CX3CR1: variants seen among roughly 807,000 people sequenced by gnomAD.
The protein encoded by CX3CR1 is CX3C chemokine receptor 1.
For synonymous variants in CX3CR1, 168 were observed against 178.5 expected, an observed-to-expected ratio of 0.94 and a Z score of 0.47; for missense variants, 363 against 432.4, an observed-to-expected ratio of 0.84 and a Z score of 1.42.
At chr3:39,278,538 A>G (rs2040862795) in intron 1 of CX3CR1, among the ~76,000 whole-genome samples, 1 of 150,976 alleles carries the variant, frequency 6.6e-6, no homozygotes, top group Non-Finnish European at 1.5e-5. Flanking sequence ...GCCCTGAGCA[A>G]TGCAAGCTTT....
upstream of CX3CR1, chr3:39,280,485 C>T: frequency 1.0e-6 from 1 of 982,694 alleles, no homozygotes; most frequent in Non-Finnish European, 1.2e-6. Flanking sequence ...ACCTCAAGCC[C>T]TGCCCTATAT....
At chr3:39,269,949 C>T (rs1162879703) in intron 1 of CX3CR1, among the ~76,000 whole-genome samples, 1 of 152,240 alleles carries the variant, frequency 6.6e-6, no homozygotes, top group African/African-American at 2.4e-5. Context: ...CATTGAGGGA[C>T]ATTTTTGATC....
chr3:39,264,579 A>C lies in CX3CR1; in HGVS notation c.*863T>G, dbSNP rs2040667922. The C allele has an allele frequency of 1.3e-5, 2 of 152,200 alleles. No individual in the cohort carries two copies. Among genetic ancestry groups the C allele is most frequent in the African/African-American group, 4.8e-5 (2 of 41,398 alleles). The allele number at this position is 152,200 out of a possible 1,614,324, so 9.4% of individuals were successfully genotyped here. A position where few individuals can be genotyped will look rare whatever the true frequency, so the allele number is the denominator to read the frequency against. On this transcript the variant is annotated 3_prime_UTR_variant, in exon 2 of 2. Coordinates refer to ENST00000399220, the MANE Select transcript of CX3CR1 (RefSeq NM_001337.4). Reference sequence around the variant, plus strand: ...CTTTGGGAAGGAGGAGGCAATGGGGAATCTATTGGTAGGACCCCATGGTGG... The same window carrying C: ...CTTTGGGAAGGAGGAGGCAATGGGGCATCTATTGGTAGGACCCCATGGTGG...
chr3:39,267,738 C>A (rs779668192), intron 1 of CX3CR1, among the ~76,000 whole-genome samples: 12 of 152,190 alleles, frequency 7.9e-5, no homozygotes, highest in Non-Finnish European at 1.5e-4. Context: ...TGACTAATTC[C>A]CCCTACGATT....
At chr3:39,268,776 TG>T in intron 1 of CX3CR1, among the ~76,000 whole-genome samples, 1 of 152,356 alleles carries the variant, frequency 6.6e-6, no homozygotes, top group Non-Finnish European at 1.5e-5. Context: ...TAACATTCCT[TG>T]TCTGTAAGAT....
chr3:39,290,706 G>C, the CX3CR1 span, among the ~76,000 whole-genome samples: 1 of 152,136 alleles, frequency 6.6e-6, no homozygotes, highest in Non-Finnish European at 1.5e-5. Context: ...CAGATGACGA[G>C]GTCAGGAGTT....
the CX3CR1 span, among the ~76,000 whole-genome samples, chr3:39,291,388 T>C: frequency 1.3e-5 from 2 of 152,208 alleles, no homozygotes; most frequent in African/African-American, 4.8e-5. Context: ...TCTGCCTTTT[T>C]TCACGTGCAA....
At chr3:39,272,983 C>T (rs1400229421) in intron 1 of CX3CR1, among the ~76,000 whole-genome samples, 1 of 152,212 alleles carries the variant, frequency 6.6e-6, no homozygotes, top group Admixed American at 6.5e-5. Context: ...ATAAATTAAC[C>T]AGCAGAGGCC....
chr3:39,284,479 G>A (rs1281928641), upstream of CX3CR1, among the ~76,000 whole-genome samples: 2 of 152,110 alleles, frequency 1.3e-5, no homozygotes, highest in African/African-American at 2.4e-5. Flanking sequence ...CCTTGTCTAA[G>A]GTCTTAATCA....
Position 39,264,719 on chromosome 3 carries a change from CAG to C in CX3CR1, c.*721_*722del, listed in dbSNP as rs2040670238. On this transcript the variant is annotated 3_prime_UTR_variant, in exon 2 of 2. Coordinates refer to ENST00000399220, the MANE Select transcript of CX3CR1 (RefSeq NM_001337.4). ...TTAATGAAGACGAGGCTGGTGTAAT[CAG>C]GGGAGAGGCTGGATCAGGCACATGG... is the stretch of plus-strand genomic sequence containing the variant. The C allele has an allele frequency of 6.6e-6, 1 of 152,432 alleles. No individual in the cohort carries two copies. 9.4% of individuals were successfully genotyped at this position (152,432 alleles called of 1,614,324 possible). A position where few individuals can be genotyped will look rare whatever the true frequency, so the allele number is the denominator to read the frequency against.
At chr3:39,276,874 T>C (rs1461907090) in intron 1 of CX3CR1, among the ~76,000 whole-genome samples, 1 of 152,174 alleles carries the variant, frequency 6.6e-6, no homozygotes, top group African/African-American at 2.4e-5. Context: ...GTGATCACCA[T>C]AGAAGTCAGA....
chr3:39,281,691 CT>C, upstream of CX3CR1: 1 of 1,598,150 alleles, frequency 6.3e-7, no homozygotes, highest in Non-Finnish European at 8.5e-7. Context: ...CAGGGGTTCT[CT>C]CATCCTGGTT....
Position 39,266,457 on chromosome 3 carries a change from G to A in CX3CR1, c.53C>T (p.Ala18Val). Residue 18 changes from alanine (A) to valine (V), a missense_variant, in exon 2 of 2, where the codon GCT becomes GTT. Physicochemically the swap from Ala to Val is moderately conservative, Grantham distance 64. Coordinates refer to ENST00000399220, the MANE Select transcript of CX3CR1 (RefSeq NM_001337.4). ...VTENFEYDDL[A>V]EACYIGDIVV... The stretch of plus-strand genomic sequence containing the variant: ...GATGTCCCCAATATAACAGGCCTCA[G>A]CCAAATCATCGTACTCAAAGTTTTC... 3.1e-6 allele frequency: 5 copies of A among 1,614,196 alleles called. No individual in the cohort carries two copies. The highest frequency in any genetic ancestry group is 4.2e-6 in the Non-Finnish European group (5 of 1,180,016).
intron 1 of CX3CR1, among the ~76,000 whole-genome samples, chr3:39,273,628 A>C (rs995818425): frequency 2.6e-5 from 4 of 152,216 alleles, no homozygotes; most frequent in Non-Finnish European, 5.9e-5. Flanking sequence ...TTTTTCAGCA[A>C]GAATCAAACA....
intron 1 of CX3CR1, among the ~76,000 whole-genome samples, chr3:39,278,433 A>G (rs1161913801): frequency 1.3e-5 from 2 of 152,056 alleles, no homozygotes; most frequent in Non-Finnish European, 2.9e-5. Flanking sequence ...CCCAACCCAC[A>G]GTGGTCCTCA....
chr3:39,285,884 G>C (rs2040939085), upstream of CX3CR1: 1 of 152,130 alleles, frequency 6.6e-6, no homozygotes, highest in Non-Finnish European at 1.5e-5. Context: ...CTGATATTAT[G>C]GAGAGTCTGC....
chr3:39,282,217 G>T (rs974099404), upstream of CX3CR1, among the ~76,000 whole-genome samples: 1 of 152,132 alleles, frequency 6.6e-6, no homozygotes, highest in Non-Finnish European at 1.5e-5. Context: ...AAGAGCCTTG[G>T]CAGCCTTCCC....
chr3:39,266,814 G>A (rs1035714543), intron 1 of CX3CR1, among the ~76,000 whole-genome samples: 4 of 151,128 alleles, frequency 2.6e-5, no homozygotes, highest in African/African-American at 7.3e-5. Flanking sequence ...ATGGAGTCTC[G>A]CTGTGTCACC....
the CX3CR1 span, chr3:39,287,937 G>A: frequency 6.6e-6 from 1 of 152,160 alleles, no homozygotes; most frequent in Admixed American, 6.5e-5. Flanking sequence ...TTAAGCAACA[G>A]TTGTCATATT....
Sources: allele counts gnomAD v4.1 joint callset (sites outside exome capture counted in the v4.1 genomes callset), GRCh38; gene constraint gnomAD v4.1.1; transcripts MANE v1.5; gene names NCBI Gene and HGNC (gene_info 2026-07-23, HGNC 2026-07-21).